The following GLI3 variants were observed in gnomAD, a reference collection of about 807,000 sequenced individuals.
GLI3 encodes the protein transcription activator GLI3.
Under a neutral mutation model 100.8 loss-of-function variants are expected in GLI3, and 20 were observed. That is an observed-to-expected ratio of 0.20 (90% CI 0.14 to 0.29). The LOEUF is 0.29. Among genes scored for constraint, GLI3 ranks in the 10% least tolerant of loss-of-function variants. The probability of loss-of-function intolerance (pLI) is 1.00; values close to 1 mark genes in which losing one functional copy is unlikely to be tolerated. For synonymous variants in GLI3, 938 were observed against 860.5 expected (o/e 1.09, Z -1.58); for missense variants, 2,040 against 2,128.5 (o/e 0.96, Z 0.82).
At chr7:42,228,614 A>G (rs1470809750) in intron 1 of GLI3, among the ~76,000 whole-genome samples, 1 of 152,220 alleles carries the variant, frequency 6.6e-6, no homozygotes, top group Non-Finnish European at 1.5e-5. Flanking sequence ...GGCTGAATTC[A>G]GGGAGCTGCA....
chr7:42,003,760 G>T (rs2128722732), intron 10 of GLI3, among the ~76,000 whole-genome samples: 1 of 152,268 alleles, frequency 6.6e-6, no homozygotes, highest in South Asian at 2.1e-4. Flanking sequence ...AGAAATTCCA[G>T]GAGCAAATTA....
intron 3 of GLI3, among the ~76,000 whole-genome samples, chr7:42,140,092 G>A (rs962310812): frequency 3.3e-5 from 5 of 152,168 alleles, no homozygotes; most frequent in African/African-American, 1.2e-4. Flanking sequence ...TCCAGGCCTT[G>A]ACAAATGCTC....
At chr7:42,146,603 AG>A (rs901896184) in intron 3 of GLI3, among the ~76,000 whole-genome samples, 2 of 152,208 alleles carry the variant, frequency 1.3e-5, no homozygotes, top group Admixed American at 1.3e-4. Context: ...AGATGGGAAA[AG>A]TTTGTGTTCA....
chr7:42,202,500 A>G (rs1583644123), intron 2 of GLI3, among the ~76,000 whole-genome samples: 1 of 152,218 alleles, frequency 6.6e-6, no homozygotes, highest in African/African-American at 2.4e-5. Context: ...TCAGAGCAGT[A>G]GTCAGTATCG....
intron 2 of GLI3, among the ~76,000 whole-genome samples, chr7:42,156,627 T>C (rs1175166567): frequency 6.6e-6 from 1 of 152,098 alleles, no homozygotes; most frequent in African/African-American, 2.4e-5. Flanking sequence ...AAGGCCAGAG[T>C]GTCCAGGTTG....
At chr7:42,202,538 G>A (rs1788068195) in intron 2 of GLI3, among the ~76,000 whole-genome samples, 1 of 152,184 alleles carries the variant, frequency 6.6e-6, no homozygotes, top group African/African-American at 2.4e-5. Flanking sequence ...TCAATGATCA[G>A]GTAGCATCAC....
At chr7:42,057,354 G>A (rs74986738) in intron 4 of GLI3, among the ~76,000 whole-genome samples, 3,591 of 152,328 alleles carry the variant, frequency 0.024, 137 homozygotes, top group African/African-American at 0.083. Flanking sequence ...AAGTGTTGAT[G>A]AGGATTTAGG....
At chr7:42,081,633 G>T (rs17172006) in intron 3 of GLI3, among the ~76,000 whole-genome samples, 1 of 151,976 alleles carries the variant, frequency 6.6e-6, no homozygotes, top group African/African-American at 2.4e-5. Context: ...GAGAATAACC[G>T]AGAAAGACAC....
chr7:42,122,192 AAT>A (rs1409060692), intron 3 of GLI3, among the ~76,000 whole-genome samples: 1 of 146,884 alleles, frequency 6.8e-6, no homozygotes, highest in African/African-American at 2.5e-5. Context: ...TATATATATT[AAT>A]ATATGTCATA....
At chr7:42,224,818 A>C (rs939775527) in intron 1 of GLI3, among the ~76,000 whole-genome samples, 2 of 152,240 alleles carry the variant, frequency 1.3e-5, no homozygotes, top group Non-Finnish European at 2.9e-5. Context: ...CCAGTGCACA[A>C]CCGCCAACAA....
In GLI3 at chr7:41,966,338, C is replaced by T. The variant is rs757735624; in HGVS notation, c.2735G>A (p.Ser912Asn). 1.3e-5 allele frequency: 21 copies of T among 1,607,842 alleles called. No individual in the cohort carries two copies. The Admixed American group carries it at 1.8e-4, about 14-fold the overall frequency. ...GCTGAGCAGGCTGGGCAGGCCGTCG[C>T]TCTGGCTGGCTTCGCTGGAGCGGCG... ...ASRRSSEASQ[S>N]DGLPSLLSLT... Residue 912 changes from serine (S) to asparagine (N), a missense_variant, in exon 15 of 15, where the codon AGC becomes AAC. By Grantham distance (46) the Ser-to-Asn change is conservative (BLOSUM62 1). Coordinates refer to ENST00000395925, the MANE Select transcript of GLI3 (RefSeq NM_000168.6). The surrounding 1 kb of genome is among the most constrained non-coding windows in gnomAD (Gnocchi z 5.8).
At chr7:42,023,322 T>C in intron 10 of GLI3, 146 bp downstream of exon 10, 1 of 777,116 alleles carries the variant, frequency 1.3e-6, no homozygotes, top group Non-Finnish European at 2.1e-6. Context: ...CTCCGAGTTT[T>C]CTTTATTCTC....
chr7:42,254,567 C>A (rs2128710861), intron 1 of GLI3, among the ~76,000 whole-genome samples: 1 of 152,328 alleles, frequency 6.6e-6, no homozygotes, highest in East Asian at 1.9e-4. Flanking sequence ...CCTACATAGC[C>A]TGAAATGTTT....
At chr7:42,159,594 T>C (rs1168836991) in intron 2 of GLI3, among the ~76,000 whole-genome samples, 1 of 152,254 alleles carries the variant, frequency 6.6e-6, no homozygotes, top group Non-Finnish European at 1.5e-5. Flanking sequence ...TAACTGTTCC[T>C]AAATGTGCCA....
At chr7:42,250,906 C>A (rs1438829095) in intron 1 of GLI3, among the ~76,000 whole-genome samples, 1 of 152,208 alleles carries the variant, frequency 6.6e-6, no homozygotes, top group African/African-American at 2.4e-5. Flanking sequence ...TTCTTCCTGT[C>A]TTCCTCAGTC....
intron 3 of GLI3, among the ~76,000 whole-genome samples, chr7:42,126,512 G>GATC (rs1393549554): frequency 6.6e-6 from 1 of 152,160 alleles, no homozygotes; most frequent in Admixed American, 6.5e-5. Flanking sequence ...CAGTTTAGAT[G>GATC]ATCAAGACCT....
At chr7:42,238,083 C>G (rs888170829), upstream of GLI3, among the ~76,000 whole-genome samples, 3 of 150,904 alleles carry the variant, frequency 2.0e-5, no homozygotes, top group African/African-American at 7.3e-5. Context: ...ACATTCATGC[C>G]TGCTCCTCCT....
chr7:42,192,273 G>T (rs1052068586), intron 2 of GLI3, among the ~76,000 whole-genome samples: 3 of 152,104 alleles, frequency 2.0e-5, no homozygotes, highest in Non-Finnish European at 4.4e-5. Context: ...CCAAGAAATT[G>T]CAATCATAGA....
At position 42,040,142 on chromosome 7, in the gene GLI3, G is replaced by C. The variant is rs760490477; in HGVS notation, c.924C>G (p.Thr308=). 1.9e-6 allele frequency: 3 copies of C among 1,613,574 alleles called. No individual in the cohort carries two copies. The highest frequency in any genetic ancestry group is 1.7e-6 in the Non-Finnish European group (2 of 1,179,492). ...AGGAGTTGGGAGACGTCCTTATCAT[G>C]GTCTGAAGGTCAAAGCTATGATCGG... ...PLSDHSFDLQ[T]MIRTSPNSLV... Residue 308 remains threonine (T), a synonymous_variant, in exon 7 of 15, where the codon ACC becomes ACG. Coordinates refer to ENST00000395925, the MANE Select transcript of GLI3 (RefSeq NM_000168.6).
Sources: allele counts gnomAD v4.1 joint callset (sites outside exome capture counted in the v4.1 genomes callset), GRCh38; gene constraint gnomAD v4.1.1; non-coding constraint Gnocchi (gnomAD v3.1); transcripts MANE v1.5; gene names NCBI Gene and HGNC (gene_info 2026-07-23, HGNC 2026-07-21).